The following PPP4R3A variants were observed in gnomAD, a reference collection of about 807,000 sequenced individuals.
PPP4R3A encodes protein phosphatase 4 regulatory subunit 3A, also known as serine/threonine-protein phosphatase 4 regulatory subunit 3A.
PPP4R3A carries 15 observed loss-of-function variants against 91.7 expected under a neutral mutation model. That is an observed-to-expected ratio of 0.16 (90% confidence interval 0.11 to 0.25). The LOEUF (loss-of-function observed/expected upper bound fraction) is 0.25. PPP4R3A is among the 10% of genes least tolerant of loss of function. The probability of loss-of-function intolerance (pLI) is 1.00; values close to 1 mark genes in which losing one functional copy is unlikely to be tolerated. For missense variants in PPP4R3A, 623 were observed against 998.4 expected (o/e 0.62, Z 5.07); for synonymous variants, 377 against 348.7 (o/e 1.08, Z -0.91).
intron 14 of PPP4R3A, among the ~76,000 whole-genome samples, chr14:91,460,214 G>A (rs1369761375): frequency 1.3e-5 from 2 of 152,004 alleles, no homozygotes; most frequent in East Asian, 1.9e-4. Context: ...GGGTTTCACC[G>A]TATTAGCCAG....
intron 9 of PPP4R3A, among the ~76,000 whole-genome samples, chr14:91,471,559 AAC>A (rs1888835441): frequency 6.6e-6 from 1 of 152,194 alleles, no homozygotes; most frequent in African/African-American, 2.4e-5. Context: ...TTTAGATTAT[AAC>A]ACAGTCCTTC....
Position 91,493,968 on chromosome 14 carries a change from T to TG in PPP4R3A, c.143-3167dup, listed in dbSNP as rs1180202609. ...TAGTAGAGACAGGGTTTCTCCATGT[T>TG]GGTCAGGCTGGTCTTGAATTCCCAA... On this transcript the variant is annotated intron_variant, in intron 1 of 14. Transcript: ENST00000554943. 2.7e-5 allele frequency among the ~76,000 whole-genome samples: 4 copies of TG among 150,276 alleles called. No homozygotes were observed. The East Asian group carries it at 7.8e-4, about 29-fold the overall frequency.
intron 2 of PPP4R3A, among the ~76,000 whole-genome samples, 157 bp downstream of exon 2, chr14:91,490,590 T>A (rs546964563): frequency 1.3e-5 from 2 of 152,282 alleles, no homozygotes; most frequent in East Asian, 3.9e-4. Context: ...AATTATTGTA[T>A]TAAACACTAT....
chr14:91,482,252 T>C, intron 3 of PPP4R3A, 59 bp from the exon 4 acceptor site: 1 of 1,502,148 alleles, frequency 6.7e-7, no homozygotes, highest in South Asian at 1.3e-5. Context: ...CAAACCTAAA[T>C]GCTACTCTAA....
chr14:91,462,267 C>G lies in PPP4R3A; in HGVS notation c.1974-28G>C, dbSNP rs765539829. 4 of 1,533,128 alleles carry G rather than the reference C, an allele frequency of 2.6e-6. No individual in the cohort carries two copies. In the South Asian group the frequency reaches 5.3e-5, roughly 20 times the overall value. The allele number at this position is 1,533,128 out of a possible 1,614,324, so 95.0% of individuals were successfully genotyped here. A position where few individuals can be genotyped will look rare whatever the true frequency, so the allele number is the denominator to read the frequency against. Reference sequence around the variant, plus strand: ...ATGAGTAGGGAAGAAAGAGTAAATACAATCATATATGGACTTAATTGTACT... The same window carrying G: ...ATGAGTAGGGAAGAAAGAGTAAATAGAATCATATATGGACTTAATTGTACT... On this transcript the variant is annotated intron_variant, in intron 12 of 14. Transcript: ENST00000554943.
chr14:91,473,730 T>C (rs1207712652), intron 7 of PPP4R3A, among the ~76,000 whole-genome samples: 2 of 152,208 alleles, frequency 1.3e-5, no homozygotes, highest in South Asian at 4.1e-4. Context: ...TAAGAATATT[T>C]AGGTAGGATT....
chr14:91,509,356 G>T, intron 1 of PPP4R3A, 150 bp downstream of exon 1: 2 of 1,107,110 alleles, frequency 1.8e-6, no homozygotes, highest in Non-Finnish European at 1.3e-6. Context: ...GCAAGACTGG[G>T]GTACCTGGGG....
At chr14:91,499,597 C>A (rs929921518) in intron 1 of PPP4R3A, among the ~76,000 whole-genome samples, 2 of 151,780 alleles carry the variant, frequency 1.3e-5, no homozygotes, top group Non-Finnish European at 2.9e-5. Context: ...CCAAGGCGGG[C>A]GGATCACAAG....
chr14:91,478,893 G>A (rs1172149431), intron 4 of PPP4R3A, among the ~76,000 whole-genome samples: 1 of 152,066 alleles, frequency 6.6e-6, no homozygotes. Flanking sequence ...AACAAATTCA[G>A]GTTTCAAATA....
chr14:91,497,378 A>G (rs8010382), intron 1 of PPP4R3A, among the ~76,000 whole-genome samples: 73,090 of 149,076 alleles, frequency 0.49, 17,977 homozygotes, highest in Admixed American at 0.53. Context: ...ACACACACAC[A>G]CGATACCTTT....
intron 3 of PPP4R3A, 40 bp from the exon 4 acceptor site, chr14:91,482,233 G>T: frequency 6.5e-7 from 1 of 1,538,902 alleles, no homozygotes; most frequent in Non-Finnish European, 8.7e-7. Context: ...ATAGATAACA[G>T]GTGACCAGCA....
At chr14:91,474,998 AAG>A (rs1171528171) in intron 7 of PPP4R3A, 1 of 152,144 alleles carries the variant, frequency 6.6e-6, no homozygotes, top group Non-Finnish European at 1.5e-5. Context: ...TCTTTTCAAA[AAG>A]TAAGACAGTC....
At position 91,509,782 on chromosome 14, in the gene PPP4R3A, G is replaced by A. The variant is rs1167606161; in HGVS notation, c.-135C>T. The A allele has an allele frequency of 3.2e-6, 4 of 1,256,650 alleles. No homozygotes were observed. Among genetic ancestry groups the A allele is most frequent in the Non-Finnish European group, 4.0e-6 (4 of 1,005,422 alleles). The allele number at this position is 1,256,650 out of a possible 1,614,324, so 77.8% of individuals were successfully genotyped here. Reference sequence around the variant, plus strand: ...GGCCTCACTGCCGCCGCTGGGCGCCGCGGGGCCGCGCCGCCGCCTGCATGG... The same window carrying A: ...GGCCTCACTGCCGCCGCTGGGCGCCACGGGGCCGCGCCGCCGCCTGCATGG... On this transcript the variant is annotated 5_prime_UTR_variant, in exon 1 of 15. Transcript: ENST00000554943.
chr14:91,477,766 AG>A (rs1262338847), intron 4 of PPP4R3A, among the ~76,000 whole-genome samples: 4 of 152,178 alleles, frequency 2.6e-5, no homozygotes, highest in African/African-American at 9.7e-5. Flanking sequence ...CTCCTGTCTC[AG>A]TCTCCTTAGC....
chr14:91,493,088 A>C (rs1890320277), intron 1 of PPP4R3A, among the ~76,000 whole-genome samples: 1 of 152,164 alleles, frequency 6.6e-6, no homozygotes, highest in Non-Finnish European at 1.5e-5. Context: ...ATAAAATAAA[A>C]TAAAAATAAG....
chr14:91,493,239 ATTAG>A (rs1890335031), intron 1 of PPP4R3A, among the ~76,000 whole-genome samples: 6 of 150,852 alleles, frequency 4.0e-5, no homozygotes, highest in African/African-American at 1.5e-4. Context: ...AAATACAAAA[ATTAG>A]CCGGGCATGG....
At chr14:91,503,198 G>T (rs1484734255) in intron 1 of PPP4R3A, among the ~76,000 whole-genome samples, 1 of 152,162 alleles carries the variant, frequency 6.6e-6, no homozygotes, top group Admixed American at 6.5e-5. Flanking sequence ...ATGTTGCCCA[G>T]GCAGGTATCG....
At chr14:91,472,240 C>A (rs1296200775) in intron 9 of PPP4R3A, among the ~76,000 whole-genome samples, 1 of 152,022 alleles carries the variant, frequency 6.6e-6, no homozygotes, top group Non-Finnish European at 1.5e-5. Context: ...AACATATCTT[C>A]AATATAAATA....
rs544470038 is a variant in PPP4R3A, at chr14:91,484,181, G to T, written c.297+1451C>A. Among the ~76,000 whole-genome samples, 4 of 152,298 alleles carry T rather than the reference G, an allele frequency of 2.6e-5. No individual in the cohort carries two copies. In the South Asian group the frequency reaches 8.3e-4, roughly 32 times the overall value. On this transcript the variant is annotated intron_variant, in intron 3 of 14. Transcript: ENST00000554943. ...GGATGGTATTCAGATATAAATGTTA[G>T]TCCTTTCATGTTTCAGAGAAGGAAA... is the stretch of plus-strand genomic sequence containing the variant.
Sources: allele counts gnomAD v4.1 joint callset (sites outside exome capture counted in the v4.1 genomes callset), GRCh38; gene constraint gnomAD v4.1.1; transcripts MANE v1.5; gene names NCBI Gene and HGNC (gene_info 2026-07-23, HGNC 2026-07-21).